OTUD7A: variants seen among roughly 807,000 people sequenced by gnomAD.
OTUD7A encodes OTU domain-containing protein 7A.
A neutral mutation model predicts 65.7 loss-of-function variants in OTUD7A; 12 were observed. The ratio of observed to expected loss-of-function variants is 0.18; its 90% CI spans 0.12 to 0.30. OTUD7A has a LOEUF of 0.30. Ranked by LOEUF, OTUD7A falls within the 10% of genes least tolerant of loss-of-function variation. The pLI, the probability that OTUD7A is intolerant of heterozygous loss-of-function variation, is 1.00. For synonymous variants in OTUD7A, 641 were observed against 586.3 expected, an observed-to-expected ratio of 1.09 and a Z score of -1.35; for missense variants, 1,148 against 1,304.8, an observed-to-expected ratio of 0.88 and a Z score of 1.85.
At chr15:31,559,479 CAT>C (rs754165813) in intron 4 of OTUD7A, among the ~76,000 whole-genome samples, 2 of 152,152 alleles carry the variant, frequency 1.3e-5, no homozygotes, top group Non-Finnish European at 2.9e-5. Context: ...ATACTGCACA[CAT>C]ACGCATACAC....
chr15:31,857,054 T>C (rs767049972), intron 1 of OTUD7A, among the ~76,000 whole-genome samples: 1 of 152,206 alleles, frequency 6.6e-6, no homozygotes, highest in Non-Finnish European at 1.5e-5. Context: ...GTACCTAGTC[T>C]TACCCTCATT....
chr15:31,740,557 G>C (rs1354781318), intron 1 of OTUD7A, among the ~76,000 whole-genome samples: 3 of 152,082 alleles, frequency 2.0e-5, no homozygotes, highest in African/African-American at 7.2e-5. Flanking sequence ...GTGAGACAAA[G>C]TGGTGAATTC....
At chr15:31,675,299 G>A (rs1027894337) in intron 1 of OTUD7A, among the ~76,000 whole-genome samples, 1 of 152,124 alleles carries the variant, frequency 6.6e-6, no homozygotes, top group African/African-American at 2.4e-5. Flanking sequence ...TTCTAGAGAT[G>A]CCATTACCAA....
At chr15:31,733,582 C>T (rs180983991) in intron 1 of OTUD7A, among the ~76,000 whole-genome samples, 1 of 152,328 alleles carries the variant, frequency 6.6e-6, no homozygotes, top group East Asian at 1.9e-4. Context: ...CCGAGCATGC[C>T]CGTGGCTCTA....
chr15:31,522,560 C>A (rs762238042), intron 8 of OTUD7A, among the ~76,000 whole-genome samples: 1 of 152,182 alleles, frequency 6.6e-6, no homozygotes, highest in Non-Finnish European at 1.5e-5. Flanking sequence ...AACCCTAATA[C>A]ATTATCTAAT....
At chr15:31,812,697 C>T (rs1896451495) in intron 1 of OTUD7A, among the ~76,000 whole-genome samples, 1 of 152,122 alleles carries the variant, frequency 6.6e-6, no homozygotes, top group Non-Finnish European at 1.5e-5. Flanking sequence ...GTCCCTATCC[C>T]CTGCTCCCAC....
intron 1 of OTUD7A, among the ~76,000 whole-genome samples, chr15:31,674,915 G>A (rs1892562972): frequency 3.3e-5 from 5 of 152,244 alleles, no homozygotes; most frequent in African/African-American, 1.2e-4. Context: ...ATTTCCGATG[G>A]TATCATGGAA....
intron 1 of OTUD7A, among the ~76,000 whole-genome samples, chr15:31,865,378 G>T (rs2141021447): frequency 6.6e-6 from 1 of 152,296 alleles, no homozygotes; most frequent in Admixed American, 6.5e-5. Flanking sequence ...CAAGATAAAA[G>T]GGTATTGCAT....
At chr15:31,778,291 A>G (rs528299630) in intron 1 of OTUD7A, among the ~76,000 whole-genome samples, 2 of 152,262 alleles carry the variant, frequency 1.3e-5, no homozygotes, top group African/African-American at 4.8e-5. Context: ...TAATCTTCAC[A>G]GGTAAAACCA....
At chr15:31,760,928 G>T (rs1393711) in intron 1 of OTUD7A, among the ~76,000 whole-genome samples, 3,390 of 151,642 alleles carry the variant, frequency 0.022, 153 homozygotes, top group African/African-American at 0.077. Context: ...GGGTTTTTTT[G>T]TTTTTTTGTT....
At chr15:31,538,496 C>G (rs12908711) in intron 5 of OTUD7A, among the ~76,000 whole-genome samples, 49,390 of 151,986 alleles carry the variant, frequency 0.32, 11,216 homozygotes, top group African/African-American at 0.65. Flanking sequence ...AGGAAACTGA[C>G]GCTCACAGGG....
intron 5 of OTUD7A, among the ~76,000 whole-genome samples, chr15:31,543,586 G>A (rs768040898): frequency 1.3e-5 from 2 of 151,756 alleles, no homozygotes; most frequent in African/African-American, 2.4e-5. Flanking sequence ...TTTAACTTAC[G>A]GAAAGCTAAC....
chr15:31,480,344 C>T lies in OTUD7A; in HGVS notation c.*2950G>A, dbSNP rs1322880085. Reference sequence around the variant, plus strand: ...TAAAGTAAATTTCTGAAATAACCTTCGCAGGGGTTTAGAAGTATCTGGGAT... The same window carrying T: ...TAAAGTAAATTTCTGAAATAACCTTTGCAGGGGTTTAGAAGTATCTGGGAT... On this transcript the variant is annotated 3_prime_UTR_variant, in exon 13 of 13. Coordinates refer to ENST00000307050, the MANE Select transcript of OTUD7A (RefSeq NM_001382637.1). 1.3e-5 allele frequency: 2 copies of T among 152,194 alleles called. No individual in the cohort carries two copies. The highest frequency in any genetic ancestry group is 6.5e-5 in the Admixed American group (1 of 15,284). The allele number at this position is 152,194 out of a possible 1,614,324, so 9.4% of individuals were successfully genotyped here. A position where few individuals can be genotyped will look rare whatever the true frequency, so the allele number is the denominator to read the frequency against.
intron 1 of OTUD7A, among the ~76,000 whole-genome samples, chr15:31,710,589 TG>T (rs1398191925): frequency 6.6e-6 from 1 of 152,172 alleles, no homozygotes; most frequent in Non-Finnish European, 1.5e-5. Flanking sequence ...GGCCAACAGC[TG>T]GGCAGTAAGA....
In OTUD7A at chr15:31,487,075, G is replaced by A. The variant is rs1038558040; in HGVS notation, c.1371+119C>T. The A allele has an allele frequency of 5.1e-5, 50 of 973,892 alleles. No individual in the cohort carries two copies. The highest frequency in any genetic ancestry group is 7.1e-5 in the Non-Finnish European group (46 of 652,048). 60.3% of individuals were successfully genotyped at this position (973,892 alleles called of 1,614,324 possible). On this transcript the variant is annotated intron_variant, in intron 12 of 12. Transcript: ENST00000307050. This position sits in a 1 kb window ranked among gnomAD's most constrained non-coding sequence, Gnocchi z 6.0. ...TGGGCTGTGGGTATGGCTGGGGTGG[G>A]CGGCCGGGCAGGGGCAGGCAAGAGT... is the stretch of plus-strand genomic sequence containing the variant.
rs1471082476 is a variant in OTUD7A at position 31,483,579 on chromosome 15, C to T, written c.2517G>A (p.Gly839=). 23 of 1,248,534 alleles carry T rather than the reference C, an allele frequency of 1.8e-5. No individual in the cohort carries two copies. The highest frequency in any genetic ancestry group is 5.3e-5 in the South Asian group (2 of 37,788). 77.3% of individuals were successfully genotyped at this position (1,248,534 alleles called of 1,614,324 possible). ...CCGTCCCCGCCGCGCCCGGTAGGGC[C>T]CCGGGCACCGCGCGCGCCAGCGACT... ...TVESLARAVP[G]ALPGAAGTAG... Residue 839 remains glycine, a synonymous_variant, in exon 13 of 13, where the codon GGG becomes GGA. Transcript: ENST00000307050.
intron 1 of OTUD7A, among the ~76,000 whole-genome samples, chr15:31,811,692 CCCTCACAACTG>C (rs2140961640): frequency 6.6e-6 from 1 of 152,254 alleles, no homozygotes; most frequent in Admixed American, 6.5e-5. Flanking sequence ...CTTCCTCTTG[CCCTCACAACTG>C]CCTCACCATC....
rs568599789 is a variant in OTUD7A, at chr15:31,754,037, G to T, written c.-99-96960C>A. 1.6e-3 allele frequency among the ~76,000 whole-genome samples: 245 copies of T among 151,730 alleles called. 1 individual carries two copies. Among genetic ancestry groups the T allele is most frequent in the Middle Eastern group, 6.8e-3 (2 of 294 alleles). The stretch of plus-strand genomic sequence containing the variant: ...TCCATGCCAACATCTACTATTTTTT[G>T]ATTTTTTTGATTATGGCCATTCTTG... On this transcript the variant is annotated intron_variant, in intron 1 of 12. Coordinates refer to ENST00000307050, the MANE Select transcript of OTUD7A (RefSeq NM_001382637.1).
At chr15:31,556,165 G>A (rs922175694) in intron 5 of OTUD7A, 19 of 152,190 alleles carry the variant, frequency 1.2e-4, no homozygotes, top group African/African-American at 3.9e-4. Context: ...TTCAGCGTGA[G>A]GGACGAGGAA....
Sources: gnomAD v4.1 joint callset for allele counts (sites outside exome capture counted in the v4.1 genomes callset) on GRCh38, gnomAD v4.1.1 for gene constraint, Gnocchi (gnomAD v3.1) non-coding constraint, MANE v1.5 for transcripts, NCBI Gene and HGNC (gene_info 2026-07-23, HGNC 2026-07-21) for gene names.